TRPM8: variants seen among roughly 807,000 people sequenced by gnomAD.
TRPM8 encodes the protein transient receptor potential cation channel subfamily M member 8.
In TRPM8, 110 loss-of-function variants were observed where a neutral mutation model predicts 133.7. The observed-to-expected ratio is 0.82, with a 90% confidence interval of 0.70 to 0.96. The LOEUF (loss-of-function observed/expected upper bound fraction) is 0.96, where lower values mean the gene tolerates loss of function less well. Among genes scored for constraint, TRPM8 ranks in the 40% least tolerant of loss-of-function variants. TRPM8 has a pLI of 0.00. For synonymous variants in TRPM8, 535 were observed against 532.3 expected (o/e 1.01, Z -0.07); for missense variants, 1,291 against 1,379.5 (o/e 0.94, Z 1.02).
In TRPM8 at chr2:233,985,884, G is replaced by A; in HGVS notation, c.2939+19G>A. The A allele has an allele frequency of 6.3e-7, 1 of 1,596,442 alleles. No individual in the cohort carries two copies. On this transcript the variant is annotated intron_variant, in intron 21 of 25. Transcript: ENST00000324695. ...TGTTTGGGTATGTGTTCAGTCACAT[G>A]TTCACTGATGTCCACCCTGGGCCAA...
At chr2:233,954,717 A>G (rs141190519) in intron 10 of TRPM8, among the ~76,000 whole-genome samples, 24 of 152,368 alleles carry the variant, frequency 1.6e-4, no homozygotes, top group African/African-American at 5.5e-4. Context: ...ATCTGCACAG[A>G]TACATAGATG....
rs542896831 is a variant in TRPM8 at position 234,000,772 on chromosome 2, G to A, written c.3130+4256G>A. Among the ~76,000 whole-genome samples, 11 of 151,632 alleles carry A rather than the reference G, an allele frequency of 7.3e-5. No individual in the cohort carries two copies. In the South Asian group the frequency reaches 1.9e-3, roughly 26 times the overall value. ...CGGCTCTCTGAAACCTCCACCTCCCGAGTTCAAGCAATTCCCCTGCCTCAG... is the reference window on the plus strand; with the variant it reads ...CGGCTCTCTGAAACCTCCACCTCCCAAGTTCAAGCAATTCCCCTGCCTCAG... On this transcript the variant is annotated intron_variant, in intron 22 of 25. Transcript: ENST00000324695.
chr2:233,958,765 C>G (rs1691356616), intron 11 of TRPM8, among the ~76,000 whole-genome samples: 1 of 152,208 alleles, frequency 6.6e-6, no homozygotes. Context: ...ACAACTCCTT[C>G]TCTAGGCAAT....
chr2:234,017,209 C>T (rs1286905800), intron 25 of TRPM8, 90 bp from the exon 26 acceptor site: 5 of 435,434 alleles, frequency 1.1e-5, no homozygotes, highest in Admixed American at 1.0e-4. Context: ...CCAGTATATT[C>T]CCAGTATATT....
Position 233,964,600 on chromosome 2 carries a change from C to T in TRPM8, c.1750-28C>T, listed in dbSNP as rs201443158. 50 of 1,172,394 alleles carry T rather than the reference C, an allele frequency of 4.3e-5. No individual in the cohort carries two copies. In the Middle Eastern group the frequency reaches 1.1e-3, roughly 25 times the overall value. The allele number at this position is 1,172,394 out of a possible 1,614,324, so 72.6% of individuals were successfully genotyped here. ...AAAGAAAAGGAAAAAAAAGAATTAA[C>T]CTTAAAATTCTTCACCCCCCTAAAA... On this transcript the variant is annotated intron_variant, in intron 13 of 25. Transcript: ENST00000324695.
intron 9 of TRPM8, among the ~76,000 whole-genome samples, chr2:233,953,411 T>G (rs1290371164): frequency 1.3e-5 from 2 of 152,236 alleles, no homozygotes. Flanking sequence ...TATTTACTTT[T>G]TAAAACGTCT....
At chr2:233,920,543 T>A (rs1243631312) in intron 1 of TRPM8, among the ~76,000 whole-genome samples, 1 of 152,258 alleles carries the variant, frequency 6.6e-6, no homozygotes, top group Non-Finnish European at 1.5e-5. Flanking sequence ...TTTCATGGCA[T>A]AGCTTCAACT....
At chr2:233,950,690 G>A (rs1404500592) in intron 9 of TRPM8, among the ~76,000 whole-genome samples, 1 of 152,234 alleles carries the variant, frequency 6.6e-6, no homozygotes, top group Non-Finnish European at 1.5e-5. Context: ...AGCCCAGTGA[G>A]AGGAGAAGGA....
intron 5 of TRPM8, among the ~76,000 whole-genome samples, chr2:233,939,847 C>A (rs1450357972): frequency 6.6e-6 from 1 of 152,184 alleles, no homozygotes; most frequent in African/African-American, 2.4e-5. Context: ...TGATCCTTAA[C>A]CCCCTAAGCA....
chr2:233,924,190 G>C (rs1273147267), intron 1 of TRPM8, among the ~76,000 whole-genome samples: 1 of 152,102 alleles, frequency 6.6e-6, no homozygotes. Flanking sequence ...AGTCAGGAGC[G>C]GAAGGACTCA....
chr2:233,983,001 T>G, intron 19 of TRPM8, 52 bp from the exon 20 acceptor site: 1 of 1,577,210 alleles, frequency 6.3e-7, no homozygotes, highest in Non-Finnish European at 8.6e-7. Flanking sequence ...CCGGGGGGAC[T>G]TGCCAACTGT....
intron 3 of TRPM8, 26 bp from the exon 4 acceptor site, chr2:233,937,327 C>T (rs1441915827): frequency 1.2e-6 from 2 of 1,612,232 alleles, no homozygotes; most frequent in Non-Finnish European, 1.7e-6. Flanking sequence ...ATCCTTCCTT[C>T]CTGTCCACAC....
intron 2 of TRPM8, among the ~76,000 whole-genome samples, chr2:233,927,962 T>TCTCTCTCTCTCTCTCTCTCTCTCTCTCTC (rs1559516800): frequency 6.4e-5 from 2 of 31,410 alleles, no homozygotes; most frequent in Admixed American, 8.0e-4. Context: ...CTCTCTCTCT[T>TCTCTCTCTCTCTCTCTCTCTCTCTCTCTC]TCTTTCTTTC....
chr2:233,938,066 G>A (rs1428378099), intron 4 of TRPM8, among the ~76,000 whole-genome samples: 1 of 152,090 alleles, frequency 6.6e-6, no homozygotes, highest in Admixed American at 6.5e-5. Context: ...CCAGCCCATG[G>A]CATCCCTGGG....
chr2:233,983,739 T>C (rs1692073511), intron 20 of TRPM8, among the ~76,000 whole-genome samples: 1 of 152,208 alleles, frequency 6.6e-6, no homozygotes, highest in Non-Finnish European at 1.5e-5. Flanking sequence ...AGGGGCTATG[T>C]AAATTGTGTG....
chr2:233,939,309 A>G lies in TRPM8; in HGVS notation c.526+134A>G, dbSNP rs1456503555. The G allele has an allele frequency of 5.2e-6, 5 of 957,834 alleles. No individual in the cohort carries two copies. In the African/African-American group the frequency reaches 6.6e-5, roughly 13 times the overall value. 59.3% of individuals were successfully genotyped at this position (957,834 alleles called of 1,614,324 possible). ...GAAGCATCTGATTAATCGTTATCTT[A>G]TTGAAAGCCATATCCTCAAATGAAT... On this transcript the variant is annotated intron_variant, in intron 5 of 25. Coordinates refer to ENST00000324695, the MANE Select transcript of TRPM8 (RefSeq NM_024080.5).
intron 1 of TRPM8, among the ~76,000 whole-genome samples, chr2:233,921,215 T>G (rs898745565): frequency 2.6e-5 from 4 of 152,120 alleles, no homozygotes; most frequent in African/African-American, 9.7e-5. Context: ...TTTAATGCAA[T>G]TTTATCACGT....
At chr2:233,930,527 T>C (rs1035767691) in intron 2 of TRPM8, 141 bp from the exon 3 acceptor site, 1 of 575,500 alleles carries the variant, frequency 1.7e-6, no homozygotes, top group Non-Finnish European at 2.9e-6. Flanking sequence ...TCTAAAGGCA[T>C]GAACAAATGC....
chr2:233,963,185 C>A, intron 12 of TRPM8, 97 bp from the exon 13 acceptor site: 1 of 687,886 alleles, frequency 1.5e-6, no homozygotes, highest in Non-Finnish European at 2.5e-6. Flanking sequence ...ATGCACAAAG[C>A]CACAGAGCCC....
Sources: gnomAD v4.1 joint callset for allele counts (sites outside exome capture counted in the v4.1 genomes callset) on GRCh38, gnomAD v4.1.1 for gene constraint, MANE v1.5 for transcripts, NCBI Gene and HGNC (gene_info 2026-07-23, HGNC 2026-07-21) for gene names.